The following WFDC10B variants were observed in gnomAD, a reference collection of about 807,000 sequenced individuals.
WFDC10B encodes WAP four-disulfide core domain 10B, also known as protein WFDC10B.
WFDC10B carries 1 observed loss-of-function variant against 2.7 expected under a neutral mutation model. The observed-to-expected ratio is 0.38, with a 90% CI of 0.13 to 1.79. The LOEUF (loss-of-function observed/expected upper bound fraction) is 1.79. WFDC10B is among the 40% of genes most tolerant of loss of function. The pLI, the probability that WFDC10B is intolerant of heterozygous loss-of-function variation, is 0.33. For missense variants in WFDC10B, 71 were observed against 87.8 expected, an observed-to-expected ratio of 0.81 and a Z score of 0.76; for synonymous variants, 26 against 32.2, an observed-to-expected ratio of 0.81 and a Z score of 0.65.
chr20:45,695,946 A>G (rs1190367817), intron 2 of WFDC10B, among the ~76,000 whole-genome samples: 1 of 152,072 alleles, frequency 6.6e-6, no homozygotes, highest in African/African-American at 2.4e-5. Context: ...AGATGCAGTA[A>G]AAGTAGTTCT....
chr20:45,699,886 C>G (rs1331613176), intron 2 of WFDC10B, among the ~76,000 whole-genome samples: 2 of 152,168 alleles, frequency 1.3e-5, no homozygotes, highest in Non-Finnish European at 2.9e-5. Context: ...ACCATGTTGA[C>G]CAGGCTGGTC....
intron 2 of WFDC10B, among the ~76,000 whole-genome samples, chr20:45,696,327 A>G (rs1043680361): frequency 2.0e-5 from 3 of 151,686 alleles, no homozygotes; most frequent in African/African-American, 7.3e-5. Flanking sequence ...CTGCAACCTA[A>G]CTTTACATCA....
At chr20:45,698,893 A>G (rs6130896) in intron 2 of WFDC10B, among the ~76,000 whole-genome samples, 29,081 of 149,532 alleles carry the variant, frequency 0.19, 3,117 homozygotes, top group East Asian at 0.33. Context: ...GCTTGAACCC[A>G]GGAGGTGGAG....
intron 2 of WFDC10B, among the ~76,000 whole-genome samples, chr20:45,691,956 A>G (rs796527489): frequency 1.5e-4 from 23 of 152,160 alleles, no homozygotes; most frequent in African/African-American, 5.5e-4. Flanking sequence ...TTTTGACATG[A>G]TTTTGCAGTG....
chr20:45,701,764 C>CAAAAAA (rs11480724), intron 2 of WFDC10B, among the ~76,000 whole-genome samples: 1 of 89,178 alleles, frequency 1.1e-5, no homozygotes, highest in African/African-American at 4.6e-5. Context: ...TCCATCATCT[C>CAAAAAA]AAAAAAAAAA....
chr20:45,694,275 T>A (rs1983916599), intron 2 of WFDC10B, among the ~76,000 whole-genome samples: 2 of 152,198 alleles, frequency 1.3e-5, no homozygotes, highest in South Asian at 4.1e-4. Flanking sequence ...GTTTTACAGT[T>A]AAGCCTTTAA....
intron 2 of WFDC10B, among the ~76,000 whole-genome samples, chr20:45,698,591 A>C (rs392034): frequency 0.99 from 146,122 of 148,306 alleles, 71,981 homozygotes; most frequent in East Asian, 0.99. Flanking sequence ...AAAAAAAAAA[A>C]CCCAATTACA....
chr20:45,690,729 T>C, intron 2 of WFDC10B, among the ~76,000 whole-genome samples: 1 of 149,204 alleles, frequency 6.7e-6, no homozygotes, highest in East Asian at 1.9e-4. Flanking sequence ...TTCTTCTCTC[T>C]TTTTTTATTA....
At chr20:45,697,744 T>C (rs1287117060) in intron 2 of WFDC10B, among the ~76,000 whole-genome samples, 2 of 141,126 alleles carry the variant, frequency 1.4e-5, no homozygotes, top group African/African-American at 5.3e-5. Flanking sequence ...TTCTTTTTCT[T>C]TTTTTTTTTT....
intron 2 of WFDC10B, among the ~76,000 whole-genome samples, chr20:45,699,772 G>A (rs975020180): frequency 2.0e-5 from 3 of 152,120 alleles, no homozygotes; most frequent in Non-Finnish European, 2.9e-5. Context: ...TCTGCCTCCC[G>A]GGTTCAAGCG....
At chr20:45,693,232 C>T (rs1453472482) in intron 2 of WFDC10B, among the ~76,000 whole-genome samples, 2 of 152,198 alleles carry the variant, frequency 1.3e-5, no homozygotes, top group Non-Finnish European at 2.9e-5. Flanking sequence ...TGTCAGTCTG[C>T]CCCTACTGGG....
chr20:45,700,760 G>GT (rs2145642704), intron 2 of WFDC10B, among the ~76,000 whole-genome samples: 2 of 152,214 alleles, frequency 1.3e-5, no homozygotes, highest in South Asian at 4.1e-4. Context: ...TTTAAATCAG[G>GT]TATCAGACAA....
At position 45,686,064 on chromosome 20, in the gene WFDC10B, G is replaced by A; in HGVS notation, c.-64-8C>T. 1.3e-6 allele frequency: 2 copies of A among 1,564,706 alleles called. No homozygotes were observed. The highest frequency in any genetic ancestry group is 2.4e-5 in the East Asian group (1 of 42,280). On this transcript the variant is annotated splice_region_variant and splice_polypyrimidine_tract_variant and intron_variant, in intron 2 of 3. Transcript: ENST00000330523. ...ACTTCCCTGCAGAGCTGCCTGTGGA[G>A]AGGGAAGGAAATAAAGAAGGAATGA...
chr20:45,703,212 A>G (rs1984241376), intron 2 of WFDC10B, among the ~76,000 whole-genome samples: 1 of 152,132 alleles, frequency 6.6e-6, no homozygotes, highest in Non-Finnish European at 1.5e-5. Context: ...CTATCTCTAA[A>G]CTGCTCTGTT....
chr20:45,697,205 T>G, intron 2 of WFDC10B, among the ~76,000 whole-genome samples: 1 of 152,030 alleles, frequency 6.6e-6, no homozygotes. Flanking sequence ...ACACCAGCAA[T>G]GAGCAATCCA....
intron 2 of WFDC10B, among the ~76,000 whole-genome samples, chr20:45,701,782 AT>A (rs1340835064): frequency 6.6e-6 from 1 of 151,764 alleles, no homozygotes; most frequent in East Asian, 1.9e-4. Context: ...AAAAAAAAAA[AT>A]TCAATCCTCT....
intron 2 of WFDC10B, among the ~76,000 whole-genome samples, chr20:45,694,432 C>CA (rs1568672223): frequency 2.0e-5 from 3 of 151,856 alleles, no homozygotes; most frequent in Admixed American, 2.0e-4. Flanking sequence ...TTAAAAGAAA[C>CA]AAAAAACATG....
In WFDC10B at chr20:45,688,121, G is replaced by T. The variant is rs544038278; in HGVS notation, c.-64-2065C>A. 2.7e-5 allele frequency among the ~76,000 whole-genome samples: 4 copies of T among 147,726 alleles called. No individual in the cohort carries two copies. In the South Asian group the frequency reaches 6.5e-4, roughly 24 times the overall value. On this transcript the variant is annotated intron_variant, in intron 2 of 3. Transcript: ENST00000330523. The stretch of plus-strand genomic sequence containing the variant: ...TTCCCACCTATGAGTGAGAATATGC[G>T]GTGTTTGGTTTTTTGTTCTTGCGAT...
chr20:45,704,898 T>G lies in WFDC10B; in HGVS notation c.-130+20A>C. ...CCTTCCCCCGACCCAGAATCCACCCTTATCCCAGGGACACTGTACCTGCAG... is the reference window on the plus strand; with the variant it reads ...CCTTCCCCCGACCCAGAATCCACCCGTATCCCAGGGACACTGTACCTGCAG... On this transcript the variant is annotated intron_variant, in intron 1 of 3. Coordinates refer to ENST00000330523, the MANE Select transcript of WFDC10B (RefSeq NM_172006.2). The G allele has an allele frequency of 6.2e-7, 1 of 1,612,900 alleles. No homozygotes were observed. Among genetic ancestry groups the G allele is most frequent in the Non-Finnish European group, 8.5e-7 (1 of 1,178,972 alleles).
Sources: gnomAD v4.1 joint callset for allele counts (sites outside exome capture counted in the v4.1 genomes callset) on GRCh38, gnomAD v4.1.1 for gene constraint, MANE v1.5 for transcripts, NCBI Gene and HGNC (gene_info 2026-07-23, HGNC 2026-07-21) for gene names.